PRDM4: variants seen among roughly 807,000 people sequenced by gnomAD.
PRDM4 encodes the protein PR domain zinc finger protein 4.
In PRDM4, 38 loss-of-function variants were observed where a neutral mutation model predicts 62.3. That is an observed-to-expected ratio of 0.61 (90% CI 0.47 to 0.80). PRDM4 has a LOEUF of 0.80. Ranked by LOEUF, PRDM4 falls within the 30% of genes least tolerant of loss-of-function variation. The pLI, the probability that PRDM4 is intolerant of heterozygous loss-of-function variation, is 0.00. For missense variants in PRDM4, 858 were observed against 997.1 expected (o/e 0.86, Z 1.88); for synonymous variants, 339 against 348.2 (o/e 0.97, Z 0.30).
At chr12:107,746,655 T>C (rs984657803) in intron 5 of PRDM4, among the ~76,000 whole-genome samples, 2 of 152,114 alleles carry the variant, frequency 1.3e-5, no homozygotes, top group Non-Finnish European at 2.9e-5. Context: ...CAGCTAATTT[T>C]TGAATTTTTA....
intron 3 of PRDM4, among the ~76,000 whole-genome samples, chr12:107,755,709 T>C (rs998734489): frequency 6.6e-6 from 1 of 152,234 alleles, no homozygotes; most frequent in Non-Finnish European, 1.5e-5. Context: ...CTTATCATTG[T>C]AATAATCAAT....
At position 107,751,442 on chromosome 12, in the gene PRDM4, C is replaced by T. The variant is rs752706195; in HGVS notation, c.1099G>A (p.Glu367Lys). 6.2e-6 allele frequency: 10 copies of T among 1,607,072 alleles called. No individual in the cohort carries two copies. Among genetic ancestry groups the T allele is most frequent in the Non-Finnish European group, 7.7e-6 (9 of 1,174,080 alleles). ...ATTGTAAACAAGGTTGCCATGTTCT[C>T]CTTGTTTGAATTGGAGTCTTCCATT... ...LQMEDSNSNKENMATLFTIWC... is the reference protein window; with the variant it reads ...LQMEDSNSNKKNMATLFTIWC... Residue 367 changes from glutamate (E) to lysine (K), a missense_variant, in exon 5 of 12, where the codon GAG becomes AAG. Around this residue, in one of 3 missense-constraint regions of PRDM4, gnomAD observed 499 missense variants for 546.7 expected, o/e 0.91. Coordinates refer to ENST00000228437, the MANE Select transcript of PRDM4 (RefSeq NM_012406.4).
chr12:107,744,679 C>T lies in PRDM4; in HGVS notation c.1277-18G>A. 6.2e-7 allele frequency: 1 copy of T among 1,611,870 alleles called. No individual in the cohort carries two copies. On this transcript the variant is annotated intron_variant, in intron 6 of 11. Coordinates refer to ENST00000228437, the MANE Select transcript of PRDM4 (RefSeq NM_012406.4). ...CCATACACCTGTCAGTGGAAGGACACCAACTACACAATCAATGATTTAAAC... is the reference window on the plus strand; with the variant it reads ...CCATACACCTGTCAGTGGAAGGACATCAACTACACAATCAATGATTTAAAC...
At chr12:107,741,857 T>A (rs1472781408) in intron 9 of PRDM4, among the ~76,000 whole-genome samples, 1 of 152,208 alleles carries the variant, frequency 6.6e-6, no homozygotes, top group Non-Finnish European at 1.5e-5. Context: ...TTAGCTGTCA[T>A]CATGAAACAG....
intron 11 of PRDM4, 43 bp from the exon 12 acceptor site, chr12:107,734,565 A>G (rs1890268512): frequency 2.6e-6 from 4 of 1,552,980 alleles, no homozygotes; most frequent in East Asian, 4.5e-5. Flanking sequence ...GGGGTTACAA[A>G]TAACAACTGA....
Position 107,756,985 on chromosome 12 carries a change from A to T in PRDM4, c.12-20T>A. The stretch of plus-strand genomic sequence containing the variant: ...TTCATCCTAGAAAAGAGCACACACA[A>T]CTAGTTATGCAAAAATTTACTCCAA... On this transcript the variant is annotated intron_variant, in intron 2 of 11. Coordinates refer to ENST00000228437, the MANE Select transcript of PRDM4 (RefSeq NM_012406.4). 6.2e-7 allele frequency: 1 copy of T among 1,612,288 alleles called. No homozygotes were observed. Among genetic ancestry groups the T allele is most frequent in the East Asian group, 2.2e-5 (1 of 44,876 alleles).
intron 7 of PRDM4, 42 bp from the exon 8 acceptor site, chr12:107,743,324 T>C (rs1423303911): frequency 2.8e-6 from 4 of 1,403,516 alleles, no homozygotes; most frequent in Non-Finnish European, 4.0e-6. Flanking sequence ...TGCACTGACA[T>C]GCAATAAAGC....
At chr12:107,747,587 T>C (rs1489362010) in intron 5 of PRDM4, among the ~76,000 whole-genome samples, 1 of 152,198 alleles carries the variant, frequency 6.6e-6, no homozygotes, top group Non-Finnish European at 1.5e-5. Context: ...ATGCTCCCTT[T>C]ATATATTGTT....
chr12:107,744,465 G>C, intron 7 of PRDM4, 78 bp downstream of exon 7: 1 of 1,517,366 alleles, frequency 6.6e-7, no homozygotes. Flanking sequence ...GGCTGATTTT[G>C]ACTTTATCAT....
chr12:107,735,879 G>A (rs1014178789), intron 11 of PRDM4, among the ~76,000 whole-genome samples: 2 of 151,564 alleles, frequency 1.3e-5, no homozygotes, highest in Admixed American at 6.6e-5. Context: ...CGGGCGTTCT[G>A]AAGCCTGGCT....
intron 2 of PRDM4, among the ~76,000 whole-genome samples, chr12:107,760,214 G>A (rs1186873915): frequency 6.6e-6 from 1 of 152,154 alleles, no homozygotes; most frequent in Non-Finnish European, 1.5e-5. Context: ...AACAATACAC[G>A]TTGGAATCCG....
At chr12:107,754,288 T>G (rs1477166102) in intron 3 of PRDM4, among the ~76,000 whole-genome samples, 179 bp from the exon 4 acceptor site, 4 of 152,218 alleles carry the variant, frequency 2.6e-5, no homozygotes, top group African/African-American at 9.6e-5. Flanking sequence ...GAAAGTAGTC[T>G]TAGTCCCAAA....
chr12:107,740,494 A>C (rs1890483296), intron 10 of PRDM4, among the ~76,000 whole-genome samples: 1 of 151,028 alleles, frequency 6.6e-6, no homozygotes, highest in Non-Finnish European at 1.5e-5. Context: ...CTCAAAAAAA[A>C]ATTTTTTTTT....
intron 2 of PRDM4, among the ~76,000 whole-genome samples, chr12:107,758,694 T>C (rs77938483): frequency 0.043 from 6,610 of 152,320 alleles, 232 homozygotes; most frequent in Non-Finnish European, 0.068. Flanking sequence ...TCTACTTATA[T>C]TGTGGCGTAT....
rs946489868 is a variant in PRDM4 at position 107,739,463 on chromosome 12, C to T, written c.2013G>A (p.Glu671=). Residue 671 remains glutamate, a synonymous_variant, in exon 11 of 12, where the codon GAG becomes GAA. Transcript: ENST00000228437. Reference sequence around the variant, plus strand: ...CACAGTAATCACACTTAAGATTCTTCTCCCCAGTGTGGATAACCATGTGGG... The same window carrying T: ...CACAGTAATCACACTTAAGATTCTTTTCCCCAGTGTGGATAACCATGTGGG... ...LESHMVIHTG[E]KNLKCDYCDK... The T allele has an allele frequency of 6.2e-7, 1 of 1,613,862 alleles. No homozygotes were observed. Among genetic ancestry groups the T allele is most frequent in the African/African-American group, 1.3e-5 (1 of 74,942 alleles).
intron 8 of PRDM4, 43 bp downstream of exon 8, chr12:107,743,154 A>G (rs1280633622): frequency 6.9e-7 from 1 of 1,459,006 alleles, no homozygotes; most frequent in East Asian, 2.3e-5. Flanking sequence ...ATTGAAAAAC[A>G]TCTAAATGGT....
intron 4 of PRDM4, 23 bp from the exon 5 acceptor site, chr12:107,752,232 T>C (rs369852218): frequency 1.3e-4 from 185 of 1,472,950 alleles, no homozygotes; most frequent in Non-Finnish European, 1.6e-4. Context: ...AAAGATGAGA[T>C]ATCAGAGACT....
intron 2 of PRDM4, 75 bp from the exon 3 acceptor site, chr12:107,757,040 G>T: frequency 6.7e-7 from 1 of 1,483,070 alleles, no homozygotes; most frequent in Non-Finnish European, 9.2e-7. Flanking sequence ...TGAAGAAACT[G>T]AAACAGTGGG....
intron 9 of PRDM4, among the ~76,000 whole-genome samples, chr12:107,741,688 A>T (rs2136313494): frequency 6.6e-6 from 1 of 152,370 alleles, no homozygotes; most frequent in Admixed American, 6.5e-5. Context: ...ACTACACTCC[A>T]GCCTGCCAGA....
Sources: gnomAD v4.1 joint callset for allele counts (sites outside exome capture counted in the v4.1 genomes callset) on GRCh38, gnomAD v4.1.1 for gene constraint, gnomAD v4.1.1 regional missense constraint, MANE v1.5 for transcripts, NCBI Gene and HGNC (gene_info 2026-07-23, HGNC 2026-07-21) for gene names.